DCPH1: variants seen among roughly 807,000 people sequenced by gnomAD.
DCPH1 encodes the protein damage control phosphatase 1.
At chr6:151,462,760 A>G in the DCPH1 span, among the ~76,000 whole-genome samples, 1 of 152,232 alleles carries the variant, frequency 6.6e-6, no homozygotes. Flanking sequence ...TAAAATAGAA[A>G]ACATTCTAAA....
the DCPH1 span, chr6:151,468,973 C>T: frequency 9.3e-6 from 15 of 1,614,130 alleles, no homozygotes; most frequent in Non-Finnish European, 1.3e-5. Flanking sequence ...TCCTGCACCA[C>T]TCTGTACCAT....
At chr6:151,464,307 A>G in the DCPH1 span, 18 of 521,422 alleles carry the variant, frequency 3.5e-5, no homozygotes, top group Admixed American at 5.7e-4. Flanking sequence ...TTTAGTATTA[A>G]GTTTTTCTAG....
the DCPH1 span, among the ~76,000 whole-genome samples, chr6:151,454,993 GTTTAA>G: frequency 2.0e-5 from 3 of 152,158 alleles, no homozygotes; most frequent in Non-Finnish European, 4.4e-5. Context: ...TAAATTTCAA[GTTTAA>G]TTTGAGTTGC....
At chr6:151,459,934 G>T in the DCPH1 span, among the ~76,000 whole-genome samples, 2 of 152,258 alleles carry the variant, frequency 1.3e-5, no homozygotes, top group African/African-American at 4.8e-5. Context: ...CATAGCATAG[G>T]ACAATTTAAA....
the DCPH1 span, among the ~76,000 whole-genome samples, chr6:151,459,320 C>G: frequency 6.6e-6 from 1 of 152,074 alleles, no homozygotes; most frequent in Non-Finnish European, 1.5e-5. Context: ...TTACAACTTA[C>G]TTGGTTTAAG....
chr6:151,457,907 C>A, the DCPH1 span, among the ~76,000 whole-genome samples: 1 of 152,030 alleles, frequency 6.6e-6, no homozygotes, highest in African/African-American at 2.4e-5. Context: ...CAGCATATGT[C>A]ATCTCTCACC....
the DCPH1 span, among the ~76,000 whole-genome samples, chr6:151,453,101 C>A: frequency 2.0e-5 from 3 of 152,124 alleles, no homozygotes; most frequent in African/African-American, 7.2e-5. Flanking sequence ...GAAATTTGTC[C>A]TTACTTCAAA....
chr6:151,453,380 T>A, the DCPH1 span, among the ~76,000 whole-genome samples: 1 of 152,242 alleles, frequency 6.6e-6, no homozygotes, highest in South Asian at 2.1e-4. Flanking sequence ...AAAAAGGACT[T>A]ACTATACCTA....
At chr6:151,463,764 TATTCA>T in the DCPH1 span, among the ~76,000 whole-genome samples, 1 of 152,258 alleles carries the variant, frequency 6.6e-6, no homozygotes, top group African/African-American at 2.4e-5. Flanking sequence ...ATGTCTTTTA[TATTCA>T]ATTCAGTAAA....
chr6:151,456,863 A>G, the DCPH1 span, among the ~76,000 whole-genome samples: 8 of 152,320 alleles, frequency 5.3e-5, no homozygotes, highest in African/African-American at 1.9e-4. Flanking sequence ...GTGATCTAAA[A>G]TGTAGTAATT....
At chr6:151,468,372 GTC>G in the DCPH1 span, 5 of 1,567,576 alleles carry the variant, frequency 3.2e-6, no homozygotes, top group South Asian at 2.4e-5. Flanking sequence ...AGTGTGATCT[GTC>G]TCTCTCAGGT....
the DCPH1 span, among the ~76,000 whole-genome samples, chr6:151,465,493 G>A: frequency 9.2e-5 from 14 of 152,288 alleles, no homozygotes; most frequent in African/African-American, 3.4e-4. Context: ...TGTCTGCGGA[G>A]TACATGGAGA....
the DCPH1 span, among the ~76,000 whole-genome samples, chr6:151,458,030 T>C: frequency 1.3e-5 from 2 of 152,176 alleles, no homozygotes; most frequent in African/African-American, 4.8e-5. Flanking sequence ...AGAATATGTA[T>C]GGAAGCATGA....
chr6:151,468,590 T>C, the DCPH1 span: 2 of 1,614,006 alleles, frequency 1.2e-6, no homozygotes, highest in East Asian at 2.2e-5. Flanking sequence ...GCCGACTTCT[T>C]GTTGTCCTCT....
At chr6:151,463,755 T>C in the DCPH1 span, among the ~76,000 whole-genome samples, 2 of 152,226 alleles carry the variant, frequency 1.3e-5, no homozygotes, top group Non-Finnish European at 2.9e-5. Context: ...ATAATCTGAA[T>C]GTCTTTTATA....
chr6:151,468,372 G>C, the DCPH1 span: 2 of 1,567,584 alleles, frequency 1.3e-6, no homozygotes, highest in Non-Finnish European at 8.6e-7. Flanking sequence ...AGTGTGATCT[G>C]TCTCTCTCAG....
chr6:151,466,395 A>G, the DCPH1 span, among the ~76,000 whole-genome samples: 1 of 152,072 alleles, frequency 6.6e-6, no homozygotes, highest in Non-Finnish European at 1.5e-5. Context: ...AGTATAATAA[A>G]CTATGAAGAA....
chr6:151,458,444 G>C, the DCPH1 span: 1 of 1,611,814 alleles, frequency 6.2e-7, no homozygotes, highest in East Asian at 2.2e-5. Context: ...CTGATATATG[G>C]AATCAGTACC....
At chr6:151,458,369 T>C in the DCPH1 span, 9 of 1,613,532 alleles carry the variant, frequency 5.6e-6, no homozygotes, top group Non-Finnish European at 7.6e-6. Context: ...CTCTCCTTTC[T>C]AAATTACGGA....
Sources: allele counts gnomAD v4.1 joint callset (sites outside exome capture counted in the v4.1 genomes callset), GRCh38; gene constraint gnomAD v4.1.1; transcripts MANE v1.5; gene names NCBI Gene and HGNC (gene_info 2026-07-23, HGNC 2026-07-21).